ELL2: variants seen among roughly 807,000 people sequenced by gnomAD.
The protein encoded by ELL2 is elongation factor for RNA polymerase II 2, also known as RNA polymerase II elongation factor ELL2.
In ELL2, 21 loss-of-function variants were observed where a neutral mutation model predicts 72.8. The observed-to-expected ratio is 0.29, with a 90% CI of 0.20 to 0.42. The LOEUF (loss-of-function observed/expected upper bound fraction) is 0.42, where lower values mean the gene tolerates loss of function less well. Among genes scored for constraint, ELL2 ranks in the 10% least tolerant of loss-of-function variants. ELL2 has a pLI of 1.00. For missense variants in ELL2, 568 were observed against 772.8 expected (o/e 0.73, Z 3.14); for synonymous variants, 266 against 283.2 (o/e 0.94, Z 0.61).
intron 1 of ELL2, among the ~76,000 whole-genome samples, chr5:95,946,610 A>G (rs1461127306): frequency 4.6e-5 from 7 of 152,204 alleles, no homozygotes; most frequent in Non-Finnish European, 1.0e-4. Context: ...TAGAAAACAC[A>G]TCCGCTATCA....
Position 95,912,145 on chromosome 5 carries a change from T to C in ELL2, c.481+1626A>G, listed in dbSNP as rs149690805. 2.5e-3 allele frequency among the ~76,000 whole-genome samples: 382 copies of C among 152,308 alleles called. 1 individual carries two copies. Among genetic ancestry groups the C allele is most frequent in the African/African-American group, 8.8e-3 (366 of 41,566 alleles). ...TAGGAAGTGTATGGACTGTGGGATT[T>C]TGGGTGTTGAAGTCTGTTGTGTAAG... On this transcript the variant is annotated intron_variant, in intron 4 of 11. Transcript: ENST00000237853.
intron 2 of ELL2, among the ~76,000 whole-genome samples, chr5:95,942,555 C>T (rs529948153): frequency 6.6e-6 from 1 of 152,058 alleles, no homozygotes; most frequent in South Asian, 2.1e-4. Context: ...ATGAAAAACT[C>T]AATTTCTACT....
Position 95,885,485 on chromosome 5 carries a change from G to C in ELL2, c.*3386C>G, listed in dbSNP as rs2112256773. The C allele has an allele frequency of 6.6e-6, 1 of 152,316 alleles. No homozygotes were observed. Among genetic ancestry groups the C allele is most frequent in the South Asian group, 2.1e-4 (1 of 4,826 alleles). The allele number at this position is 152,316 out of a possible 1,614,324, so 9.4% of individuals were successfully genotyped here. On this transcript the variant is annotated 3_prime_UTR_variant, in exon 12 of 12. Coordinates refer to ENST00000237853, the MANE Select transcript of ELL2 (RefSeq NM_012081.6). The stretch of plus-strand genomic sequence containing the variant: ...AATAAACTGTAGAACTTTAAAAGTA[G>C]TAAAGGCATATACCAAGCATACGTG...
At position 95,939,453 on chromosome 5, in the gene ELL2, C is replaced by A. The variant is rs191216652; in HGVS notation, c.195+3549G>T. Reference sequence around the variant, plus strand: ...GTTTGCACAGTGAATAAGAAAAAAGCAGAACAACAAATTAACCTATTAACA... The same window carrying A: ...GTTTGCACAGTGAATAAGAAAAAAGAAGAACAACAAATTAACCTATTAACA... On this transcript the variant is annotated intron_variant, in intron 2 of 11. Transcript: ENST00000237853. Among the ~76,000 whole-genome samples the A allele has an allele frequency of 2.0e-5, 3 of 152,284 alleles. No homozygotes were observed. In the East Asian group the frequency reaches 5.8e-4, roughly 29 times the overall value.
chr5:95,906,477 T>G, intron 5 of ELL2, 46 bp downstream of exon 5: 1 of 1,522,678 alleles, frequency 6.6e-7, no homozygotes, highest in South Asian at 1.3e-5. Context: ...AATGAACATT[T>G]TAACAAGAAG....
At chr5:95,935,681 C>A (rs891834544) in intron 2 of ELL2, among the ~76,000 whole-genome samples, 6 of 152,202 alleles carry the variant, frequency 3.9e-5, no homozygotes, top group African/African-American at 1.2e-4. Context: ...AACCTGAACA[C>A]CTCATGGATA....
At chr5:95,891,627 T>C (rs1748666684) in intron 9 of ELL2, among the ~76,000 whole-genome samples, 1 of 152,254 alleles carries the variant, frequency 6.6e-6, no homozygotes, top group Non-Finnish European at 1.5e-5. Flanking sequence ...CTAACCCATC[T>C]GTTACAAGTC....
chr5:95,933,210 G>A (rs554121283), intron 2 of ELL2, among the ~76,000 whole-genome samples: 1 of 152,262 alleles, frequency 6.6e-6, no homozygotes, highest in East Asian at 1.9e-4. Context: ...TCTGGGGGTG[G>A]GGGATTCAGA....
intron 4 of ELL2, 193 bp downstream of exon 4, chr5:95,913,578 C>T: frequency 3.9e-6 from 2 of 518,554 alleles, no homozygotes; most frequent in Non-Finnish European, 6.3e-6. Context: ...AGTCATAGAA[C>T]TTTAAAATAT....
chr5:95,959,439 C>T (rs1328938662), intron 1 of ELL2, among the ~76,000 whole-genome samples: 1 of 152,198 alleles, frequency 6.6e-6, no homozygotes, highest in African/African-American at 2.4e-5. Context: ...GCCATTCCTT[C>T]CCACGCCCTT....
chr5:95,916,486 C>A (rs1259303616), intron 3 of ELL2, among the ~76,000 whole-genome samples: 1 of 152,098 alleles, frequency 6.6e-6, no homozygotes, highest in African/African-American at 2.4e-5. Flanking sequence ...GTAATGTAAG[C>A]CACTGGAACA....
At chr5:95,934,651 A>C (rs1442482976) in intron 2 of ELL2, among the ~76,000 whole-genome samples, 1 of 152,190 alleles carries the variant, frequency 6.6e-6, no homozygotes, top group African/African-American at 2.4e-5. Flanking sequence ...ATGACAAAGC[A>C]ACTCTATCAA....
At chr5:95,920,574 C>G (rs1750020137) in intron 2 of ELL2, among the ~76,000 whole-genome samples, 1 of 151,700 alleles carries the variant, frequency 6.6e-6, no homozygotes, top group Non-Finnish European at 1.5e-5. Flanking sequence ...ATGAGAAGTC[C>G]CAGGAGCAAA....
intron 2 of ELL2, among the ~76,000 whole-genome samples, chr5:95,922,968 A>G (rs1750147996): frequency 6.6e-6 from 1 of 152,262 alleles, no homozygotes; most frequent in African/African-American, 2.4e-5. Flanking sequence ...GTGGGAGGCC[A>G]GAGATACTGC....
chr5:95,932,458 T>C (rs889406686), intron 2 of ELL2, among the ~76,000 whole-genome samples: 3 of 152,226 alleles, frequency 2.0e-5, no homozygotes, highest in Non-Finnish European at 2.9e-5. Flanking sequence ...GGTTTACATA[T>C]GGGTAATTAA....
chr5:95,916,263 C>CA (rs138717686), intron 3 of ELL2, among the ~76,000 whole-genome samples: 175 of 152,016 alleles, frequency 1.2e-3, no homozygotes, highest in African/African-American at 4.1e-3. Context: ...ACACTGAACA[C>CA]AAGATGAAGG....
chr5:95,918,634 T>C (rs560479863), intron 3 of ELL2, among the ~76,000 whole-genome samples: 24 of 152,266 alleles, frequency 1.6e-4, no homozygotes, highest in Non-Finnish European at 3.2e-4. Context: ...AGAGATACGC[T>C]GGTCTAGGGT....
chr5:95,916,556 A>G (rs1402127694), intron 3 of ELL2, among the ~76,000 whole-genome samples: 2 of 152,128 alleles, frequency 1.3e-5, no homozygotes, highest in Non-Finnish European at 2.9e-5. Flanking sequence ...AGTCCAGAAT[A>G]ATAAGGAACC....
Position 95,961,779 on chromosome 5 carries a change from C to T in ELL2, c.-58G>A. 6.6e-7 allele frequency: 1 copy of T among 1,509,786 alleles called. No individual in the cohort carries two copies. The highest frequency in any genetic ancestry group is 8.8e-7 in the Non-Finnish European group (1 of 1,132,768). The allele number at this position is 1,509,786 out of a possible 1,614,324, so 93.5% of individuals were successfully genotyped here. On this transcript the variant is annotated 5_prime_UTR_variant, in exon 1 of 12. Coordinates refer to ENST00000237853, the MANE Select transcript of ELL2 (RefSeq NM_012081.6). ...GCTCCGGCTCTAGCCTCCACTGCGG[C>T]CGCGGCTGCTTGGGCTTCTGCAGCC...
Sources: allele counts gnomAD v4.1 joint callset (sites outside exome capture counted in the v4.1 genomes callset), GRCh38; gene constraint gnomAD v4.1.1; transcripts MANE v1.5; gene names NCBI Gene and HGNC (gene_info 2026-07-23, HGNC 2026-07-21).